Variants in MIPEP observed in about 807,000 individuals in gnomAD.
MIPEP encodes mitochondrial intermediate peptidase.
In MIPEP, 79 loss-of-function variants were observed where a neutral mutation model predicts 90.3. The ratio of observed to expected loss-of-function variants is 0.87; its 90% CI spans 0.73 to 1.05. The LOEUF is 1.05. Among genes scored for constraint, MIPEP ranks in the 50% least tolerant of loss-of-function variants. The pLI is 0.00. For missense variants in MIPEP, 940 were observed against 905.6 expected, an observed-to-expected ratio of 1.04 and a Z score of -0.49; for synonymous variants, 334 against 315.8, an observed-to-expected ratio of 1.06 and a Z score of -0.61.
At position 23,850,058 on chromosome 13, in the gene MIPEP, G is replaced by A. The variant is rs138826473; in HGVS notation, c.1107-8570C>T. On this transcript the variant is annotated intron_variant, in intron 10 of 18. Transcript: ENST00000382172. ...TGACAGAGAACATGTGCACCAAATG[G>A]CAAATGCCCACAGAGGCTTGTTACA... is the stretch of plus-strand genomic sequence containing the variant. Among the ~76,000 whole-genome samples the A allele has an allele frequency of 2.0e-5, 3 of 152,318 alleles. No individual in the cohort carries two copies. The East Asian group carries it at 5.8e-4, about 29-fold the overall frequency.
rs530289989 is a variant in MIPEP, at chr13:23,738,927, T to TCTG, written c.2045-8485_2045-8483dup. On this transcript the variant is annotated intron_variant, in intron 18 of 18. Transcript: ENST00000382172. The stretch of plus-strand genomic sequence containing the variant: ...TGTTTTAATAAGCCTTCCCAGTGAC[T>TCTG]CTGCTGCATGCTCGCCTTTAAGCCC... 1.4e-4 allele frequency among the ~76,000 whole-genome samples: 21 copies of TCTG among 152,324 alleles called. No homozygotes were observed. The South Asian group carries it at 1.9e-3, about 14-fold the overall frequency.
intron 10 of MIPEP, among the ~76,000 whole-genome samples, chr13:23,843,294 G>C (rs1053339353): frequency 1.3e-5 from 2 of 152,082 alleles, no homozygotes; most frequent in Non-Finnish European, 2.9e-5. Context: ...GATAAATGTA[G>C]AAAGAATGGG....
intron 14 of MIPEP, among the ~76,000 whole-genome samples, chr13:23,829,989 A>G (rs544612309): frequency 6.6e-6 from 1 of 152,348 alleles, no homozygotes; most frequent in South Asian, 2.1e-4. Flanking sequence ...GATAGAAACC[A>G]TTGCTGAGAG....
At chr13:23,745,694 G>A (rs929085598) in intron 18 of MIPEP, among the ~76,000 whole-genome samples, 3 of 152,072 alleles carry the variant, frequency 2.0e-5, no homozygotes, top group African/African-American at 4.8e-5. Context: ...CTGGGAGGCC[G>A]AGGCGGGCGG....
At chr13:23,757,619 C>A (rs555054097) in intron 17 of MIPEP, among the ~76,000 whole-genome samples, 4 of 152,164 alleles carry the variant, frequency 2.6e-5, no homozygotes, top group African/African-American at 9.6e-5. Flanking sequence ...CACCAGAAAA[C>A]CTTGGTTCAG....
intron 12 of MIPEP, 70 bp from the exon 13 acceptor site, chr13:23,837,826 GAATATA>G: frequency 8.0e-7 from 1 of 1,247,586 alleles, no homozygotes; most frequent in Non-Finnish European, 1.1e-6. Flanking sequence ...CAGTCTTAAT[GAATATA>G]AAATTTCACC....
intron 18 of MIPEP, among the ~76,000 whole-genome samples, chr13:23,744,589 C>T (rs1172797876): frequency 1.3e-5 from 2 of 152,214 alleles, no homozygotes; most frequent in East Asian, 1.9e-4. Flanking sequence ...TGAGATCATA[C>T]AGCAACATGC....
At chr13:23,751,834 G>A (rs1952444576) in intron 18 of MIPEP, among the ~76,000 whole-genome samples, 1 of 151,964 alleles carries the variant, frequency 6.6e-6, no homozygotes, top group African/African-American at 2.4e-5. Context: ...AAGTCTAAAG[G>A]AGCTCACAGG....
chr13:23,789,567 C>T (rs758445272), intron 16 of MIPEP, among the ~76,000 whole-genome samples: 11 of 152,204 alleles, frequency 7.2e-5, no homozygotes, highest in Non-Finnish European at 1.5e-4. Flanking sequence ...TGGAAAGCTA[C>T]GCAAAGCTTC....
chr13:23,776,237 A>T (rs1952715041), intron 16 of MIPEP, among the ~76,000 whole-genome samples: 2 of 152,082 alleles, frequency 1.3e-5, no homozygotes, highest in Non-Finnish European at 2.9e-5. Context: ...GACATAAAGA[A>T]CTCTTCAGGA....
chr13:23,766,790 A>G (rs1952595027), intron 16 of MIPEP, among the ~76,000 whole-genome samples: 1 of 152,232 alleles, frequency 6.6e-6, no homozygotes, highest in Admixed American at 6.5e-5. Flanking sequence ...CCCATGACCC[A>G]TCCTCCTGAT....
chr13:23,798,615 T>C (rs1952991771), intron 16 of MIPEP, among the ~76,000 whole-genome samples: 1 of 152,196 alleles, frequency 6.6e-6, no homozygotes, highest in South Asian at 2.1e-4. Context: ...TAGGAGGGGA[T>C]TGGATCATTG....
intron 10 of MIPEP, among the ~76,000 whole-genome samples, chr13:23,851,555 G>C (rs1302710978): frequency 6.6e-6 from 1 of 152,132 alleles, no homozygotes; most frequent in Non-Finnish European, 1.5e-5. Context: ...CATGTTGCTG[G>C]GAACACCACA....
At chr13:23,752,496 C>T (rs1332237653) in intron 18 of MIPEP, among the ~76,000 whole-genome samples, 1 of 152,074 alleles carries the variant, frequency 6.6e-6, no homozygotes, top group Non-Finnish European at 1.5e-5. Context: ...ATCATGCTCA[C>T]CATAGCATAC....
chr13:23,817,294 A>G (rs1407478924), intron 14 of MIPEP, among the ~76,000 whole-genome samples: 1 of 152,248 alleles, frequency 6.6e-6, no homozygotes, highest in Non-Finnish European at 1.5e-5. Flanking sequence ...ATTACACACC[A>G]TCAGAGACTA....
rs928764133 is a variant in MIPEP, at chr13:23,796,942, C to A, written c.1848+9008G>T. Among the ~76,000 whole-genome samples the A allele has an allele frequency of 2.0e-5, 3 of 152,302 alleles. No individual in the cohort carries two copies. The East Asian group carries it at 5.8e-4, about 29-fold the overall frequency. On this transcript the variant is annotated intron_variant, in intron 16 of 18. Coordinates refer to ENST00000382172, the MANE Select transcript of MIPEP (RefSeq NM_005932.4). ...CACTATTCTGTTACTTGGGAACTCA[C>A]AACACACATCCAAAACAAATGTTCT...
intron 16 of MIPEP, among the ~76,000 whole-genome samples, chr13:23,791,937 T>C (rs1460142717): frequency 1.3e-5 from 2 of 152,250 alleles, no homozygotes; most frequent in Non-Finnish European, 2.9e-5. Context: ...CCAATAGTTG[T>C]TGCTCAGTTC....
At chr13:23,878,584 A>G (rs1284225286) in intron 4 of MIPEP, among the ~76,000 whole-genome samples, 1 of 152,252 alleles carries the variant, frequency 6.6e-6, no homozygotes, top group South Asian at 2.1e-4. Flanking sequence ...AATCTGTGTT[A>G]TGACATACAT....
intron 16 of MIPEP, among the ~76,000 whole-genome samples, chr13:23,795,613 A>G (rs1458515731): frequency 6.6e-6 from 1 of 152,238 alleles, no homozygotes; most frequent in African/African-American, 2.4e-5. Context: ...TTAAGGTAAA[A>G]TCATTATATA....
Sources: allele counts gnomAD v4.1 joint callset (sites outside exome capture counted in the v4.1 genomes callset), GRCh38; gene constraint gnomAD v4.1.1; transcripts MANE v1.5; gene names NCBI Gene and HGNC (gene_info 2026-07-23, HGNC 2026-07-21).